The following ATP8A2 variants were observed in gnomAD, a reference collection of about 807,000 sequenced individuals.
ATP8A2 encodes ATPase phospholipid transporting 8A2.
A neutral mutation model predicts 165.6 loss-of-function variants in ATP8A2; 100 were observed. That is an observed-to-expected ratio of 0.60 (90% confidence interval 0.51 to 0.71). ATP8A2 has a LOEUF of 0.71. Among genes scored for constraint, ATP8A2 ranks in the 30% least tolerant of loss-of-function variants. The pLI, the probability that ATP8A2 is intolerant of heterozygous loss-of-function variation, is 0.00. For synonymous variants in ATP8A2, 543 were observed against 548.8 expected, an observed-to-expected ratio of 0.99 and a Z score of 0.15; for missense variants, 1,227 against 1,479.5, an observed-to-expected ratio of 0.83 and a Z score of 2.80.
chr13:25,713,889 G>A (rs2137993302), intron 25 of ATP8A2, among the ~76,000 whole-genome samples: 1 of 152,304 alleles, frequency 6.6e-6, no homozygotes, highest in East Asian at 1.9e-4. Flanking sequence ...GGGCCTGGGA[G>A]AAGAGCTGGC....
At chr13:25,949,406 T>C (rs1347552721) in intron 33 of ATP8A2, among the ~76,000 whole-genome samples, 2 of 152,142 alleles carry the variant, frequency 1.3e-5, no homozygotes, top group African/African-American at 4.8e-5. Flanking sequence ...TAGTCTGAAT[T>C]ATCAGGGGTT....
intron 24 of ATP8A2, among the ~76,000 whole-genome samples, chr13:25,642,260 TTAAAC>T (rs537229864): frequency 2.0e-3 from 305 of 152,288 alleles, no homozygotes; most frequent in Non-Finnish European, 2.6e-3. Flanking sequence ...TGGGATCTAA[TTAAAC>T]TAAAGAGCTT....
intron 2 of ATP8A2, among the ~76,000 whole-genome samples, chr13:25,492,646 C>A (rs2036562592): frequency 6.6e-6 from 1 of 152,166 alleles, no homozygotes; most frequent in Non-Finnish European, 1.5e-5. Flanking sequence ...GTCTTATAAG[C>A]CCTCAGTTTC....
intron 27 of ATP8A2, among the ~76,000 whole-genome samples, chr13:25,815,240 T>TC (rs1211125718): frequency 2.6e-5 from 4 of 152,126 alleles, no homozygotes; most frequent in Admixed American, 2.6e-4. Context: ...TTCAAAAGAT[T>TC]CTATCAACAG....
chr13:25,902,962 C>T (rs1454974183), intron 33 of ATP8A2, among the ~76,000 whole-genome samples: 1 of 151,860 alleles, frequency 6.6e-6, no homozygotes, highest in East Asian at 1.9e-4. Context: ...CACACACACA[C>T]ACACACACAC....
In ATP8A2 at chr13:25,699,273, A is replaced by G. The variant is rs1345359937; in HGVS notation, c.2312A>G (p.Tyr771Cys). Reference protein sequence around the residue: ...ALIIDGHTLKYALSFEVRRSF... With the variant: ...ALIIDGHTLKCALSFEVRRSF... ...ATCATCGATGGCCACACCCTGAAGTACGCGCTCTCCTTCGAAGTCCGGAGG... is the reference window on the plus strand; with the variant it reads ...ATCATCGATGGCCACACCCTGAAGTGCGCGCTCTCCTTCGAAGTCCGGAGG... The change falls in exon 25 of 37, where the codon TAC becomes TGC. Residue 771 changes from tyrosine to cysteine, a missense_variant. Coordinates refer to ENST00000381655, the MANE Select transcript of ATP8A2 (RefSeq NM_016529.6). The G allele has an allele frequency of 1.9e-6, 3 of 1,613,844 alleles. No individual in the cohort carries two copies. Among genetic ancestry groups the G allele is most frequent in the African/African-American group, 2.7e-5 (2 of 75,034 alleles).
intron 24 of ATP8A2, among the ~76,000 whole-genome samples, chr13:25,653,546 C>T (rs2041861864): frequency 6.6e-6 from 1 of 152,114 alleles, no homozygotes; most frequent in African/African-American, 2.4e-5. Context: ...ATAAGAAACC[C>T]CCATGACTCA....
At chr13:26,017,018 T>C (rs4770899) in intron 36 of ATP8A2, among the ~76,000 whole-genome samples, 41,127 of 152,190 alleles carry the variant, frequency 0.27, 5,703 homozygotes, top group Middle Eastern at 0.36. Flanking sequence ...GCCACCACCC[T>C]GACCCCATGC....
At chr13:25,531,194 G>A (rs1566228712) in intron 4 of ATP8A2, among the ~76,000 whole-genome samples, 2 of 134,906 alleles carry the variant, frequency 1.5e-5, no homozygotes, top group Non-Finnish European at 3.1e-5. Flanking sequence ...TGTTATATAT[G>A]TTATATATGA....
chr13:25,488,709 G>GA (rs948507913), intron 2 of ATP8A2, among the ~76,000 whole-genome samples: 7 of 152,164 alleles, frequency 4.6e-5, no homozygotes, highest in African/African-American at 1.7e-4. Flanking sequence ...GTCTCAAGAA[G>GA]AAAAAAACCA....
At chr13:25,713,745 CA>C in intron 25 of ATP8A2, among the ~76,000 whole-genome samples, 1 of 152,122 alleles carries the variant, frequency 6.6e-6, no homozygotes, top group Non-Finnish European at 1.5e-5. Flanking sequence ...ATATGTGTCG[CA>C]AATATGTTTC....
rs373847586 is a variant in ATP8A2 at position 25,798,227 on chromosome 13, A to G, written c.2679+23268A>G. ...AGACCAAGTTTGTTTCATTTGCACT[A>G]TAAGAAATGGTAGTTATTCTTCTGT... On this transcript the variant is annotated intron_variant, in intron 27 of 36. Transcript: ENST00000381655. Among the ~76,000 whole-genome samples, 122 of 152,352 alleles carry G rather than the reference A, an allele frequency of 8.0e-4. 1 individual carries two copies. The highest frequency in any genetic ancestry group is 3.1e-3 in the South Asian group (15 of 4,824).
At chr13:25,396,972 A>C (rs994850810) in intron 1 of ATP8A2, among the ~76,000 whole-genome samples, 2 of 152,138 alleles carry the variant, frequency 1.3e-5, no homozygotes, top group African/African-American at 4.8e-5. Context: ...CCAGTCCCTC[A>C]GGGTTCAGGA....
chr13:25,727,407 G>T (rs2138065408), intron 25 of ATP8A2, among the ~76,000 whole-genome samples: 1 of 152,234 alleles, frequency 6.6e-6, no homozygotes, highest in East Asian at 1.9e-4. Context: ...GTTCTCTTTT[G>T]TCAACGCCAA....
At chr13:25,480,079 C>T (rs1047414539) in intron 2 of ATP8A2, among the ~76,000 whole-genome samples, 10 of 151,398 alleles carry the variant, frequency 6.6e-5, no homozygotes, top group Admixed American at 3.3e-4. Context: ...TGGGCAGAGG[C>T]GCCCCTCACC....
intron 24 of ATP8A2, among the ~76,000 whole-genome samples, chr13:25,645,849 G>A (rs1262847962): frequency 6.6e-6 from 1 of 152,014 alleles, no homozygotes; most frequent in Non-Finnish European, 1.5e-5. Context: ...GATCTGTCTT[G>A]GTGAATGCTT....
At chr13:25,435,930 TGA>T (rs2034751188) in intron 1 of ATP8A2, among the ~76,000 whole-genome samples, 5 of 27,148 alleles carry the variant, frequency 1.8e-4, no homozygotes, top group African/African-American at 2.4e-4. Flanking sequence ...TGTGTGTGTG[TGA>T]GTGTGTGTGT....
At chr13:25,929,161 T>A (rs1397343417) in intron 33 of ATP8A2, among the ~76,000 whole-genome samples, 2 of 152,104 alleles carry the variant, frequency 1.3e-5, no homozygotes, top group Non-Finnish European at 2.9e-5. Flanking sequence ...AATATGGGCA[T>A]CCCCAGCCTC....
intron 33 of ATP8A2, among the ~76,000 whole-genome samples, chr13:25,937,362 C>CTTTCTTTCTTTCTTTTTTTTTTTT: frequency 7.7e-5 from 3 of 38,806 alleles, no homozygotes; most frequent in African/African-American, 2.0e-4. Flanking sequence ...TTCTTTCTTT[C>CTTTCTTTCTTTCTTTTTTTTTTTT]TTTTTTTTTT....
Sources: gnomAD v4.1 joint callset for allele counts (sites outside exome capture counted in the v4.1 genomes callset) on GRCh38, gnomAD v4.1.1 for gene constraint, MANE v1.5 for transcripts, NCBI Gene and HGNC (gene_info 2026-07-23, HGNC 2026-07-21) for gene names.